The following CELF4 variants were observed in gnomAD, a reference collection of about 807,000 sequenced individuals.
The protein encoded by CELF4 is CUGBP Elav-like family member 4, also known as CUG-BP- and ETR-3-like factor 4.
CELF4 carries 18 observed loss-of-function variants against 59.9 expected under a neutral mutation model. The observed-to-expected ratio is 0.30, with a 90% CI of 0.21 to 0.45. CELF4 has a LOEUF of 0.45. Among genes scored for constraint, CELF4 ranks in the 20% least tolerant of loss-of-function variants. The probability of loss-of-function intolerance (pLI) is 1.00; values close to 1 mark genes in which losing one functional copy is unlikely to be tolerated. For missense variants in CELF4, 456 were observed against 689.0 expected (o/e 0.66, Z 3.79); for synonymous variants, 261 against 267.1 (o/e 0.98, Z 0.22).
intron 3 of CELF4, among the ~76,000 whole-genome samples, chr18:37,307,682 G>A (rs2072006857): frequency 6.6e-6 from 1 of 152,082 alleles, no homozygotes; most frequent in Non-Finnish European, 1.5e-5. Context: ...GCGTAGAGAT[G>A]GGCCTCATGG....
At chr18:37,548,066 T>C (rs897785966) in intron 1 of CELF4, among the ~76,000 whole-genome samples, 10 of 152,160 alleles carry the variant, frequency 6.6e-5, no homozygotes, top group Admixed American at 3.9e-4. Flanking sequence ...TTTGAATCTC[T>C]ATGTATGTGC....
chr18:37,356,237 A>G (rs1310632148), intron 2 of CELF4, among the ~76,000 whole-genome samples: 2 of 152,266 alleles, frequency 1.3e-5, no homozygotes, highest in Admixed American at 1.3e-4. Flanking sequence ...AAAAAATAGT[A>G]TGTGGCACTC....
chr18:37,349,766 A>T (rs1183800859), intron 2 of CELF4, among the ~76,000 whole-genome samples: 2 of 152,182 alleles, frequency 1.3e-5, no homozygotes, highest in Non-Finnish European at 2.9e-5. Flanking sequence ...TTCCTGAAGG[A>T]CAAACAGGAG....
At chr18:37,361,483 G>T (rs2098702334) in intron 2 of CELF4, among the ~76,000 whole-genome samples, 1 of 152,176 alleles carries the variant, frequency 6.6e-6, no homozygotes, top group South Asian at 2.1e-4. Flanking sequence ...AAGTTATTTA[G>T]ACTTTTGTGT....
At chr18:37,470,887 T>TGTGTGAGAGAGA (rs1325788685) in intron 2 of CELF4, among the ~76,000 whole-genome samples, 3 of 71,926 alleles carry the variant, frequency 4.2e-5, no homozygotes, top group Non-Finnish European at 5.4e-5. Flanking sequence ...TGTGTGTGTG[T>TGTGTGAGAGAGA]GACAGAGAGA....
chr18:37,491,667 A>G (rs753884356), intron 1 of CELF4, among the ~76,000 whole-genome samples: 17 of 152,216 alleles, frequency 1.1e-4, no homozygotes, highest in Non-Finnish European at 2.1e-4. Context: ...AGTGTGTGGC[A>G]GGAGAGGTGA....
chr18:37,324,132 G>T (rs906322497), intron 2 of CELF4, among the ~76,000 whole-genome samples: 4 of 152,096 alleles, frequency 2.6e-5, no homozygotes. Flanking sequence ...CATTCCCTGG[G>T]CCTTCAAGCT....
At chr18:37,443,318 G>A (rs1391776567) in intron 2 of CELF4, among the ~76,000 whole-genome samples, 1 of 151,976 alleles carries the variant, frequency 6.6e-6, no homozygotes, top group Non-Finnish European at 1.5e-5. Flanking sequence ...CAAGAGGCAG[G>A]CTCTGGGTTA....
chr18:37,368,627 C>G (rs1342810089), intron 2 of CELF4, among the ~76,000 whole-genome samples: 2 of 152,238 alleles, frequency 1.3e-5, no homozygotes, highest in African/African-American at 2.4e-5. Flanking sequence ...TGGCAGTGAG[C>G]CTCTGTCACT....
chr18:37,348,296 T>A (rs2098338565), intron 2 of CELF4, among the ~76,000 whole-genome samples: 1 of 152,130 alleles, frequency 6.6e-6, no homozygotes, highest in Admixed American at 6.5e-5. Context: ...ACGCACACAC[T>A]AGGCCCCTGA....
intron 2 of CELF4, among the ~76,000 whole-genome samples, chr18:37,407,608 C>T (rs2099398968): frequency 6.8e-6 from 1 of 147,350 alleles, no homozygotes; most frequent in Admixed American, 6.8e-5. Context: ...TATATATACA[C>T]ACATATACCC....
intron 2 of CELF4, among the ~76,000 whole-genome samples, chr18:37,441,075 T>C (rs1397769600): frequency 6.6e-6 from 1 of 152,228 alleles, no homozygotes. Flanking sequence ...TGCCTTGAGA[T>C]CATTTTCAGA....
At chr18:37,449,144 G>A (rs2154601556) in intron 2 of CELF4, among the ~76,000 whole-genome samples, 1 of 152,336 alleles carries the variant, frequency 6.6e-6, no homozygotes, top group East Asian at 1.9e-4. Context: ...TAGCCTAGGT[G>A]TTCATAGGAA....
intron 7 of CELF4, among the ~76,000 whole-genome samples, chr18:37,272,780 TCCACC>T (rs2091918933): frequency 6.6e-6 from 1 of 152,096 alleles, no homozygotes; most frequent in South Asian, 2.1e-4. Context: ...TTGAGAGAAA[TCCACC>T]CCACCCTGAA....
chr18:37,355,955 G>A (rs2098556122), intron 2 of CELF4, among the ~76,000 whole-genome samples: 1 of 152,100 alleles, frequency 6.6e-6, no homozygotes, highest in Non-Finnish European at 1.5e-5. Context: ...GGAGGCATCT[G>A]TTCTGAGCCA....
At chr18:37,425,851 G>A (rs1281288959) in intron 2 of CELF4, among the ~76,000 whole-genome samples, 1 of 152,220 alleles carries the variant, frequency 6.6e-6, no homozygotes, top group African/African-American at 2.4e-5. Context: ...TGCCTGATTA[G>A]GGGACCTTTG....
At chr18:37,514,394 T>C (rs16969010) in intron 1 of CELF4, among the ~76,000 whole-genome samples, 5,739 of 152,240 alleles carry the variant, frequency 0.038, 371 homozygotes, top group African/African-American at 0.13. Context: ...TTCTTCATAG[T>C]ATGGCACATC....
intron 1 of CELF4, among the ~76,000 whole-genome samples, chr18:37,511,123 C>T (rs59979474): frequency 6.6e-6 from 1 of 152,084 alleles, no homozygotes; most frequent in African/African-American, 2.4e-5. Flanking sequence ...GGAGGATGGT[C>T]TCTTTCAGGA....
At chr18:37,249,719 C>G (rs2064259502) in intron 12 of CELF4, among the ~76,000 whole-genome samples, 1 of 152,100 alleles carries the variant, frequency 6.6e-6, no homozygotes, top group Non-Finnish European at 1.5e-5. Context: ...AGAGCACAGC[C>G]CTAGGTGTGG....
Sources: gnomAD v4.1 joint callset for allele counts (sites outside exome capture counted in the v4.1 genomes callset) on GRCh38, gnomAD v4.1.1 for gene constraint, MANE v1.5 for transcripts, NCBI Gene and HGNC (gene_info 2026-07-23, HGNC 2026-07-21) for gene names.